The following CNTNAP2 variants were observed in gnomAD, a reference collection of about 807,000 sequenced individuals.
The protein encoded by CNTNAP2 is contactin associated protein 2, also known as contactin-associated protein-like 2.
A neutral mutation model predicts 155.2 loss-of-function variants in CNTNAP2; 98 were observed. The observed-to-expected ratio is 0.63, with a 90% CI of 0.54 to 0.75. The LOEUF is 0.75. Ranked by LOEUF, CNTNAP2 falls within the 30% of genes least tolerant of loss-of-function variation. The pLI, the probability that CNTNAP2 is intolerant of heterozygous loss-of-function variation, is 0.00. For synonymous variants in CNTNAP2, 651 were observed against 631.2 expected, an observed-to-expected ratio of 1.03 and a Z score of -0.47; for missense variants, 1,727 against 1,688.1, an observed-to-expected ratio of 1.02 and a Z score of -0.40.
At chr7:146,127,917 C>CT (rs764152047) in intron 1 of CNTNAP2, among the ~76,000 whole-genome samples, 3 of 152,128 alleles carry the variant, frequency 2.0e-5, no homozygotes, top group Non-Finnish European at 4.4e-5. Flanking sequence ...TTCATTTCCA[C>CT]TTTTAATATG....
intron 1 of CNTNAP2, among the ~76,000 whole-genome samples, chr7:146,378,396 GTGATGA>G (rs150135089): frequency 6.6e-6 from 1 of 151,746 alleles, no homozygotes; most frequent in African/African-American, 2.4e-5. Context: ...GATGATGATG[GTGATGA>G]TGATGATGAT....
intron 1 of CNTNAP2, among the ~76,000 whole-genome samples, chr7:146,342,817 G>A (rs1009420236): frequency 7.9e-5 from 12 of 152,188 alleles, no homozygotes; most frequent in African/African-American, 2.7e-4. Context: ...TGTAAGACAT[G>A]CTAACATTTT....
chr7:146,935,316 T>C (rs1225915892), intron 3 of CNTNAP2, among the ~76,000 whole-genome samples: 1 of 152,228 alleles, frequency 6.6e-6, no homozygotes, highest in African/African-American at 2.4e-5. Context: ...TACTTTTACT[T>C]GTGAAGGATT....
At chr7:146,777,339 G>A (rs1463172302) in intron 2 of CNTNAP2, among the ~76,000 whole-genome samples, 11 of 152,082 alleles carry the variant, frequency 7.2e-5, no homozygotes, top group Non-Finnish European at 2.9e-5. Flanking sequence ...CCTCCCCAAC[G>A]CTCTCATTTT....
intron 1 of CNTNAP2, among the ~76,000 whole-genome samples, chr7:146,160,470 A>G (rs1201610666): frequency 6.6e-6 from 1 of 152,238 alleles, no homozygotes; most frequent in Non-Finnish European, 1.5e-5. Flanking sequence ...AGGCTAATAA[A>G]GAAGAAAAGA....
chr7:147,300,454 A>T (rs530663734), intron 9 of CNTNAP2, among the ~76,000 whole-genome samples, 164 bp downstream of exon 9: 1 of 152,320 alleles, frequency 6.6e-6, no homozygotes, highest in South Asian at 2.1e-4. Flanking sequence ...AAAAGGAAAA[A>T]TTTTATTTCT....
At chr7:146,180,384 A>ATTTATT (rs1387001354) in intron 1 of CNTNAP2, among the ~76,000 whole-genome samples, 3 of 115,102 alleles carry the variant, frequency 2.6e-5, no homozygotes, top group Non-Finnish European at 5.6e-5. Context: ...CTTCCTTTTA[A>ATTTATT]TTTATTTTTT....
chr7:146,212,501 A>G (rs1232017977), intron 1 of CNTNAP2, among the ~76,000 whole-genome samples: 1 of 152,162 alleles, frequency 6.6e-6, no homozygotes, highest in Non-Finnish European at 1.5e-5. Flanking sequence ...TTAGATTCCC[A>G]AAGTCATGAA....
chr7:148,261,587 G>A (rs1796562619), intron 20 of CNTNAP2, among the ~76,000 whole-genome samples: 1 of 152,230 alleles, frequency 6.6e-6, no homozygotes, highest in Admixed American at 6.5e-5. Flanking sequence ...GCAGAGAGCA[G>A]AGACCCCTGC....
chr7:147,975,043 G>A (rs1189582830), intron 14 of CNTNAP2, among the ~76,000 whole-genome samples: 1 of 150,386 alleles, frequency 6.6e-6, no homozygotes, highest in Non-Finnish European at 1.5e-5. Context: ...ACAATTTTTT[G>A]TATTACGTAT....
rs143264049 is a variant in CNTNAP2 at position 148,242,613 on chromosome 7, G to C, written c.3381+12834G>C. On this transcript the variant is annotated intron_variant, in intron 20 of 23. Coordinates refer to ENST00000361727, the MANE Select transcript of CNTNAP2 (RefSeq NM_014141.6). Reference sequence around the variant, plus strand: ...GTCGCGGATACCGCGATGGCGGTAGGACTTGGTATTACTTATAGAAATGGA... The same window carrying C: ...GTCGCGGATACCGCGATGGCGGTAGCACTTGGTATTACTTATAGAAATGGA... Among the ~76,000 whole-genome samples, 8 of 152,372 alleles carry C rather than the reference G, an allele frequency of 5.3e-5. No homozygotes were observed. In the East Asian group the frequency reaches 1.5e-3, roughly 29 times the overall value.
intron 1 of CNTNAP2, among the ~76,000 whole-genome samples, chr7:146,598,658 C>T (rs1246593898): frequency 6.6e-6 from 1 of 152,056 alleles, no homozygotes; most frequent in Non-Finnish European, 1.5e-5. Context: ...CTATCCACTT[C>T]TTTACTGTCT....
intron 21 of CNTNAP2, among the ~76,000 whole-genome samples, chr7:148,334,233 G>A (rs10237908): frequency 0.048 from 7,372 of 152,130 alleles, 325 homozygotes; most frequent in African/African-American, 0.12. Flanking sequence ...TTTTGGGTTC[G>A]AGGAGGCTGT....
At chr7:147,730,744 T>A (rs1386610303) in intron 13 of CNTNAP2, among the ~76,000 whole-genome samples, 4 of 152,078 alleles carry the variant, frequency 2.6e-5, no homozygotes, top group African/African-American at 9.7e-5. Flanking sequence ...TTAAGCTTAG[T>A]GAAGAAGGCA....
chr7:147,596,116 C>T (rs1800823217), intron 12 of CNTNAP2, among the ~76,000 whole-genome samples: 1 of 152,054 alleles, frequency 6.6e-6, no homozygotes, highest in Admixed American at 6.6e-5. Flanking sequence ...TCAGGCATCC[C>T]CAATCTGACT....
chr7:147,150,299 A>T (rs1450084094), intron 8 of CNTNAP2, among the ~76,000 whole-genome samples: 1 of 152,200 alleles, frequency 6.6e-6, no homozygotes, highest in Non-Finnish European at 1.5e-5. Flanking sequence ...AAGAGGAGGA[A>T]AAGCCAGCAA....
intron 1 of CNTNAP2, among the ~76,000 whole-genome samples, chr7:146,573,667 A>G (rs1190808327): frequency 6.6e-6 from 1 of 152,196 alleles, no homozygotes; most frequent in Non-Finnish European, 1.5e-5. Flanking sequence ...GGCAGTGCAC[A>G]CAAAGAGGAG....
chr7:147,380,817 A>G (rs1236513382), intron 9 of CNTNAP2, among the ~76,000 whole-genome samples: 1 of 152,188 alleles, frequency 6.6e-6, no homozygotes, highest in Non-Finnish European at 1.5e-5. Flanking sequence ...TATCATCTTA[A>G]TGCAGATAAT....
intron 21 of CNTNAP2, among the ~76,000 whole-genome samples, chr7:148,268,631 G>A (rs2116842926): frequency 7.0e-6 from 1 of 143,592 alleles, no homozygotes; most frequent in Middle Eastern, 3.4e-3. Flanking sequence ...CCCCAGCCTG[G>A]GCGACAGAGG....
Sources: allele counts gnomAD v4.1 joint callset (sites outside exome capture counted in the v4.1 genomes callset), GRCh38; gene constraint gnomAD v4.1.1; transcripts MANE v1.5; gene names NCBI Gene and HGNC (gene_info 2026-07-23, HGNC 2026-07-21).